Variants in SGCZ observed in about 807,000 individuals in gnomAD.
SGCZ encodes the protein zeta-sarcoglycan.
A neutral mutation model predicts 41.3 loss-of-function variants in SGCZ; 40 were observed. The observed-to-expected ratio is 0.97, with a 90% CI of 0.75 to 1.26. The LOEUF is 1.26. Ranked by LOEUF, SGCZ falls within the 50% of genes most tolerant of loss-of-function variation. The pLI, the probability that SGCZ is intolerant of heterozygous loss-of-function variation, is 0.00. For synonymous variants in SGCZ, 206 were observed against 137.5 expected, an observed-to-expected ratio of 1.50 and a Z score of -3.49; for missense variants, 552 against 369.8, an observed-to-expected ratio of 1.49 and a Z score of -4.04.
intron 1 of SGCZ, among the ~76,000 whole-genome samples, chr8:15,162,717 G>A (rs1043430777): frequency 6.6e-6 from 1 of 152,128 alleles, no homozygotes; most frequent in Non-Finnish European, 1.5e-5. Context: ...AACCTACCAT[G>A]TCTATGTTTT....
chr8:14,502,714 G>A (rs1802190466), intron 2 of SGCZ, among the ~76,000 whole-genome samples: 1 of 152,136 alleles, frequency 6.6e-6, no homozygotes, highest in Non-Finnish European at 1.5e-5. Context: ...CATCATCACT[G>A]GTCATTGGAG....
intron 1 of SGCZ, among the ~76,000 whole-genome samples, chr8:15,147,548 G>C (rs1208446411): frequency 6.6e-6 from 1 of 152,194 alleles, no homozygotes; most frequent in Non-Finnish European, 1.5e-5. Flanking sequence ...AAAGTGCTGG[G>C]ATCACAGGCG....
intron 1 of SGCZ, among the ~76,000 whole-genome samples, chr8:14,589,662 T>C (rs1805178717): frequency 6.6e-6 from 1 of 152,172 alleles, no homozygotes; most frequent in South Asian, 2.1e-4. Flanking sequence ...CATAGTTGCA[T>C]TTAATTTGGA....
intron 2 of SGCZ, among the ~76,000 whole-genome samples, chr8:14,383,354 T>C (rs558572556): frequency 1.3e-5 from 2 of 152,252 alleles, no homozygotes; most frequent in African/African-American, 4.8e-5. Context: ...TATCACTACT[T>C]AACGAAGTTT....
intron 3 of SGCZ, among the ~76,000 whole-genome samples, chr8:14,276,753 G>C (rs1800248523): frequency 6.6e-6 from 1 of 152,104 alleles, no homozygotes. Flanking sequence ...TCTGCCTTCT[G>C]TTTAACTGGG....
intron 1 of SGCZ, among the ~76,000 whole-genome samples, chr8:14,653,739 C>G (rs889098501): frequency 2.0e-5 from 3 of 151,992 alleles, no homozygotes; most frequent in Non-Finnish European, 4.4e-5. Flanking sequence ...AGTTTTCAAA[C>G]GCAATGCCAT....
chr8:15,114,245 G>A (rs943165474), intron 1 of SGCZ, among the ~76,000 whole-genome samples: 18 of 152,114 alleles, frequency 1.2e-4, no homozygotes, highest in African/African-American at 4.3e-4. Flanking sequence ...AGAGAACCCT[G>A]TCCTGGATGC....
intron 2 of SGCZ, among the ~76,000 whole-genome samples, chr8:14,388,153 A>C (rs1804639661): frequency 6.6e-6 from 1 of 152,190 alleles, no homozygotes; most frequent in Non-Finnish European, 1.5e-5. Flanking sequence ...CTAGAGATGA[A>C]AAGAATAAAA....
intron 1 of SGCZ, among the ~76,000 whole-genome samples, chr8:14,931,917 C>G (rs1248715529): frequency 6.6e-6 from 1 of 151,926 alleles, no homozygotes; most frequent in Admixed American, 6.6e-5. Context: ...TGACCAATAA[C>G]CAATAAGATG....
intron 3 of SGCZ, among the ~76,000 whole-genome samples, chr8:14,273,229 C>G (rs933179907): frequency 6.6e-6 from 1 of 151,936 alleles, no homozygotes; most frequent in African/African-American, 2.4e-5. Flanking sequence ...TGTACTTTTG[C>G]ATATGTTAGC....
intron 4 of SGCZ, among the ~76,000 whole-genome samples, chr8:14,166,325 CATT>C (rs1804209273): frequency 6.6e-6 from 1 of 152,100 alleles, no homozygotes; most frequent in South Asian, 2.1e-4. Flanking sequence ...ATCTTGAAAA[CATT>C]ATTTCGACAG....
intron 1 of SGCZ, among the ~76,000 whole-genome samples, chr8:14,989,945 A>G (rs963329231): frequency 6.6e-6 from 1 of 152,212 alleles, no homozygotes; most frequent in Non-Finnish European, 1.5e-5. Flanking sequence ...TTCTACGTGT[A>G]GGGATGGCTG....
intron 1 of SGCZ, among the ~76,000 whole-genome samples, chr8:14,580,068 T>C (rs1267148260): frequency 6.6e-6 from 1 of 152,156 alleles, no homozygotes; most frequent in Non-Finnish European, 1.5e-5. Flanking sequence ...ATTTTACTGC[T>C]ACCCAACACA....
chr8:14,801,283 G>C (rs929864219), intron 1 of SGCZ, among the ~76,000 whole-genome samples: 1 of 152,178 alleles, frequency 6.6e-6, no homozygotes, highest in Admixed American at 6.5e-5. Flanking sequence ...ATATGCATAT[G>C]CTACTGGCAT....
At chr8:14,937,259 A>G (rs1186927389) in intron 1 of SGCZ, among the ~76,000 whole-genome samples, 1 of 146,660 alleles carries the variant, frequency 6.8e-6, no homozygotes, top group African/African-American at 2.6e-5. Context: ...TATTTTAAAA[A>G]TGTTGCATTT....
At chr8:14,704,539 T>C (rs1770157107) in intron 1 of SGCZ, among the ~76,000 whole-genome samples, 1 of 151,994 alleles carries the variant, frequency 6.6e-6, no homozygotes, top group African/African-American at 2.4e-5. Flanking sequence ...TTCAGAATCA[T>C]GTACTTTGAA....
intron 1 of SGCZ, among the ~76,000 whole-genome samples, chr8:14,742,226 G>A (rs149890084): frequency 1.3e-5 from 2 of 152,076 alleles, no homozygotes; most frequent in African/African-American, 2.4e-5. Context: ...ATCTGTGCAG[G>A]CATTTAAACA....
chr8:14,855,327 G>C (rs1257031485), intron 1 of SGCZ, among the ~76,000 whole-genome samples: 1 of 152,282 alleles, frequency 6.6e-6, no homozygotes, highest in East Asian at 1.9e-4. Context: ...TGGGATTTCA[G>C]GCGTGAGCCA....
intron 1 of SGCZ, among the ~76,000 whole-genome samples, chr8:15,106,721 A>G (rs1457691397): frequency 6.6e-6 from 1 of 152,030 alleles, no homozygotes; most frequent in Non-Finnish European, 1.5e-5. Context: ...AGTTTGTAAT[A>G]CTTATTTTTT....
Sources: gnomAD v4.1 joint callset for allele counts (sites outside exome capture counted in the v4.1 genomes callset) on GRCh38, gnomAD v4.1.1 for gene constraint, MANE v1.5 for transcripts, NCBI Gene and HGNC (gene_info 2026-07-23, HGNC 2026-07-21) for gene names.